The following PHTF2 variants were observed in gnomAD, a reference collection of about 807,000 sequenced individuals.
The protein encoded by PHTF2 is putative homeodomain transcription factor 2.
In PHTF2, 60 loss-of-function variants were observed where a neutral mutation model predicts 101.2. The ratio of observed to expected loss-of-function variants is 0.59; its 90% CI spans 0.48 to 0.73. PHTF2 has a LOEUF of 0.73. Ranked by LOEUF, PHTF2 falls within the 30% of genes least tolerant of loss-of-function variation. The pLI, the probability that PHTF2 is intolerant of heterozygous loss-of-function variation, is 0.00. For synonymous variants in PHTF2, 311 were observed against 307.3 expected (o/e 1.01, Z -0.13); for missense variants, 747 against 908.7 (o/e 0.82, Z 2.29).
chr7:77,859,846 A>G (rs1357894556), intron 3 of PHTF2, among the ~76,000 whole-genome samples: 2 of 152,162 alleles, frequency 1.3e-5, no homozygotes, highest in African/African-American at 4.8e-5. Context: ...AAGTGCTGGA[A>G]TTACAAGTGT....
chr7:77,923,579 G>C (rs1479844042), intron 11 of PHTF2: 12 of 985,310 alleles, frequency 1.2e-5, no homozygotes, highest in African/African-American at 1.7e-5. Context: ...TCTGGTGATT[G>C]TGGTTTTGTT....
intron 2 of PHTF2, among the ~76,000 whole-genome samples, chr7:77,850,875 T>A (rs1018650227): frequency 2.0e-5 from 3 of 152,082 alleles, no homozygotes; most frequent in African/African-American, 7.2e-5. Flanking sequence ...TATGAAGGGA[T>A]GTTGATTGAT....
intron 1 of PHTF2, among the ~76,000 whole-genome samples, chr7:77,803,976 A>G (rs962587707): frequency 7.2e-5 from 11 of 152,186 alleles, no homozygotes; most frequent in Admixed American, 5.2e-4. Flanking sequence ...TGACAATGAA[A>G]AAAATAAATG....
Position 77,915,979 on chromosome 7 carries a change from CTGTGTGTG to C in PHTF2, c.777-4276_777-4269del, listed in dbSNP as rs34376513. Among the ~76,000 whole-genome samples the C allele has an allele frequency of 1.0e-4, 15 of 147,914 alleles. 1 individual carries two copies. The South Asian group carries it at 1.5e-3, about 15-fold the overall frequency. On this transcript the variant is annotated intron_variant, in intron 9 of 19. Coordinates refer to ENST00000416283, the Ensembl canonical transcript of PHTF2. ...AATATCAGAAGGTAGATTTGTGTGT[CTGTGTGTG>C]TGTGTGTGTGTGTGTGTGTGTGTAA...
chr7:77,879,652 A>G (rs1799243960), intron 3 of PHTF2, among the ~76,000 whole-genome samples: 1 of 152,172 alleles, frequency 6.6e-6, no homozygotes, highest in Non-Finnish European at 1.5e-5. Context: ...CTGATGTCCA[A>G]GAATGGATGG....
chr7:77,827,577 C>G (rs1458909363), intron 1 of PHTF2, among the ~76,000 whole-genome samples: 1 of 152,084 alleles, frequency 6.6e-6, no homozygotes, highest in East Asian at 1.9e-4. Context: ...TGGTCTTGAA[C>G]TCCTGACTTC....
At chr7:77,835,299 AAAAG>A (rs1352356452) in intron 1 of PHTF2, among the ~76,000 whole-genome samples, 4 of 151,978 alleles carry the variant, frequency 2.6e-5, no homozygotes, top group African/African-American at 4.8e-5. Flanking sequence ...CAAGAAAAAA[AAAAG>A]AAAGCTTCAT....
chr7:77,949,599 A>G (rs928617612), intron 16 of PHTF2, 79 bp from the exon 16 acceptor site: 2 of 713,346 alleles, frequency 2.8e-6, no homozygotes, highest in Non-Finnish European at 4.6e-6. Context: ...AAATTTATGA[A>G]CAATCTATGT....
intron 3 of PHTF2, among the ~76,000 whole-genome samples, chr7:77,871,601 A>G (rs1798524552): frequency 6.6e-6 from 1 of 152,220 alleles, no homozygotes; most frequent in African/African-American, 2.4e-5. Flanking sequence ...GAACCTGTGA[A>G]TCCTGGCTAT....
intron 1 of PHTF2, among the ~76,000 whole-genome samples, chr7:77,836,447 C>T (rs1795481196): frequency 6.6e-6 from 1 of 152,190 alleles, no homozygotes; most frequent in Non-Finnish European, 1.5e-5. Context: ...ACCATCTCTT[C>T]TGTACTCATC....
intron 1 of PHTF2, among the ~76,000 whole-genome samples, chr7:77,817,697 T>C (rs1793956904): frequency 6.6e-6 from 1 of 152,190 alleles, no homozygotes; most frequent in Non-Finnish European, 1.5e-5. Flanking sequence ...CCATATCAAT[T>C]AGTGATGTTG....
At chr7:77,869,742 A>G (rs1798367613) in intron 3 of PHTF2, among the ~76,000 whole-genome samples, 1 of 151,872 alleles carries the variant, frequency 6.6e-6, no homozygotes. Context: ...TGTCTTTTCA[A>G]TAGTAGCCAT....
At chr7:77,953,873 C>G in exon 19 of PHTF2, 1 of 1,613,340 alleles carries the variant, frequency 6.2e-7, no homozygotes. Flanking sequence ...TTATCAGTGA[C>G]TTGCTTGGAT....
At chr7:77,947,833 C>CTTTTTTTT (rs1428512079) in intron 16 of PHTF2, among the ~76,000 whole-genome samples, 1 of 43,212 alleles carries the variant, frequency 2.3e-5, no homozygotes, top group Admixed American at 2.6e-4. Context: ...TTTCTTTTTT[C>CTTTTTTTT]TTTCTTTTTT....
At position 77,826,387 on chromosome 7, in the gene PHTF2, A is replaced by G. The variant is rs551519816; in HGVS notation, c.-35-13834A>G. Among the ~76,000 whole-genome samples the G allele has an allele frequency of 7.9e-4, 121 of 152,330 alleles. 1 individual carries two copies. Among genetic ancestry groups the G allele is most frequent in the Admixed American group, 2.3e-3 (35 of 15,306 alleles). ...GCTGCTAATAACAGTGGCTTAAACTATAAGGATTTATAACCTTGGGTACAA... is the reference window on the plus strand; with the variant it reads ...GCTGCTAATAACAGTGGCTTAAACTGTAAGGATTTATAACCTTGGGTACAA... On this transcript the variant is annotated intron_variant, in intron 1 of 19. Transcript: ENST00000416283.
chr7:77,954,376 C>T (rs780884191), intron 19 of PHTF2, among the ~76,000 whole-genome samples: 49 of 152,228 alleles, frequency 3.2e-4, no homozygotes, highest in Non-Finnish European at 5.6e-4. Context: ...TCAAGTGATA[C>T]ACCCACCTTG....
chr7:77,832,417 G>A (rs961487449), intron 1 of PHTF2, among the ~76,000 whole-genome samples: 3 of 152,306 alleles, frequency 2.0e-5, no homozygotes, highest in African/African-American at 4.8e-5. Context: ...CAAGCTGTTT[G>A]TGAATAAGCC....
At chr7:77,840,173 T>G (rs1445230678) in intron 1 of PHTF2, 48 bp from the exon 2 acceptor site, 8 of 998,970 alleles carry the variant, frequency 8.0e-6, no homozygotes, top group Non-Finnish European at 1.3e-5. Flanking sequence ...AGTCTCCTTT[T>G]GGAAGGTGGG....
intron 5 of PHTF2, among the ~76,000 whole-genome samples, chr7:77,898,215 G>A (rs1037931401): frequency 6.6e-6 from 1 of 152,096 alleles, no homozygotes; most frequent in Admixed American, 6.6e-5. Flanking sequence ...TGTTTCTCCT[G>A]TAGGGACTTT....
Sources: gnomAD v4.1 joint callset for allele counts (sites outside exome capture counted in the v4.1 genomes callset) on GRCh38, gnomAD v4.1.1 for gene constraint, MANE v1.5 for transcripts, NCBI Gene and HGNC (gene_info 2026-07-23, HGNC 2026-07-21) for gene names.